KLHL5: variants seen among roughly 807,000 people sequenced by gnomAD.
KLHL5 encodes the protein kelch-like protein 5.
A neutral mutation model predicts 77.7 loss-of-function variants in KLHL5; 48 were observed. The observed-to-expected ratio is 0.62, with a 90% CI of 0.49 to 0.79. The LOEUF (loss-of-function observed/expected upper bound fraction) is 0.79. KLHL5 is among the 30% of genes least tolerant of loss of function. The pLI, the probability that KLHL5 is intolerant of heterozygous loss-of-function variation, is 0.00. For missense variants in KLHL5, 723 were observed against 859.7 expected, an observed-to-expected ratio of 0.84 and a Z score of 1.99; for synonymous variants, 260 against 297.0, an observed-to-expected ratio of 0.88 and a Z score of 1.28.
intron 5 of KLHL5, among the ~76,000 whole-genome samples, chr4:39,092,880 C>G (rs1459378792): frequency 6.6e-6 from 1 of 152,158 alleles, no homozygotes; most frequent in East Asian, 1.9e-4. Context: ...TGTGCAAAAA[C>G]AGGAACCCTC....
chr4:39,130,133 A>G (rs1282022227), downstream of KLHL5, among the ~76,000 whole-genome samples: 1 of 152,170 alleles, frequency 6.6e-6, no homozygotes, highest in East Asian at 1.9e-4. Context: ...TGAAGTGGGA[A>G]ATCAGGGGTC....
At position 39,062,737 on chromosome 4, in the gene KLHL5, A is replaced by C; in HGVS notation, c.85A>C (p.Asn29His). ...RWFGHQASSP[N>H]STVDSQQGEF... ...GTTTGGTCATCAAGCATCATCTCCTAATTCTACAGTTGACAGCCAGCAGGG... is the reference window on the plus strand; with the variant it reads ...GTTTGGTCATCAAGCATCATCTCCTCATTCTACAGTTGACAGCCAGCAGGG... Residue 29 changes from asparagine (N) to histidine (H), a missense_variant, in exon 1 of 11, where the codon AAT (asparagine) becomes CAT (histidine). By Grantham distance (68) the Asn-to-His change is moderately conservative. This residue lies in a region of KLHL5 where 221 missense variants were observed against 222.1 expected (regional missense o/e 1.00). Coordinates refer to ENST00000504108, the MANE Select transcript of KLHL5 (RefSeq NM_015990.5). The C allele has an allele frequency of 1.2e-6, 2 of 1,614,128 alleles. No individual in the cohort carries two copies. Among genetic ancestry groups the C allele is most frequent in the Non-Finnish European group, 1.7e-6 (2 of 1,179,990 alleles).
At chr4:39,046,351 T>C (rs1716188677) in intron 1 of KLHL5, among the ~76,000 whole-genome samples, 1 of 152,078 alleles carries the variant, frequency 6.6e-6, no homozygotes. Context: ...AAAAAGATAA[T>C]ACCAAGTTCC....
chr4:39,076,320 A>C (rs1251897147), intron 2 of KLHL5, among the ~76,000 whole-genome samples, 173 bp downstream of exon 2: 1 of 152,192 alleles, frequency 6.6e-6, no homozygotes, highest in African/African-American at 2.4e-5. Flanking sequence ...GGTGATCCTA[A>C]AAGGGTCATT....
intron 1 of KLHL5, among the ~76,000 whole-genome samples, chr4:39,071,122 T>C (rs1215421732): frequency 2.0e-5 from 3 of 152,176 alleles, no homozygotes; most frequent in African/African-American, 7.2e-5. Flanking sequence ...TATAAATTAG[T>C]AAATTTGGGC....
Position 39,103,468 on chromosome 4 carries a change from T to G in KLHL5, c.1482T>G (p.Thr494=), listed in dbSNP as rs755872454. The G allele has an allele frequency of 3.1e-6, 5 of 1,614,136 alleles. No homozygotes were observed. Among genetic ancestry groups the G allele is most frequent in the Non-Finnish European group, 4.2e-6 (5 of 1,180,008 alleles). Residue 494 remains threonine, a synonymous_variant, in exon 7 of 11, where the codon ACT becomes ACG. Coordinates refer to ENST00000504108, the MANE Select transcript of KLHL5 (RefSeq NM_015990.5). ...AGTGCTACAACCCCAAAACAAAAAC[T>G]TGGAGTGTGATGCCACCTATGTCCA... The part of the protein sequence containing the change: ...TVECYNPKTK[T]WSVMPPMSTH...
At chr4:39,104,204 G>A (rs1721851457) in intron 7 of KLHL5, among the ~76,000 whole-genome samples, 1 of 152,096 alleles carries the variant, frequency 6.6e-6, no homozygotes, top group African/African-American at 2.4e-5. Context: ...TTAGTTCTCA[G>A]TGAAAGATGA....
At chr4:39,107,999 T>C (rs1038656498) in intron 8 of KLHL5, among the ~76,000 whole-genome samples, 1 of 151,262 alleles carries the variant, frequency 6.6e-6, no homozygotes, top group Non-Finnish European at 1.5e-5. Flanking sequence ...AGTTGTACTA[T>C]AAAAATCTGG....
chr4:39,076,834 C>T (rs896163430), intron 2 of KLHL5, among the ~76,000 whole-genome samples: 12 of 147,128 alleles, frequency 8.2e-5, no homozygotes, highest in African/African-American at 3.0e-4. Flanking sequence ...GAGATAACAT[C>T]GGAAAAAGCC....
At chr4:39,048,487 A>G (rs1190058556) in intron 1 of KLHL5, among the ~76,000 whole-genome samples, 1 of 152,184 alleles carries the variant, frequency 6.6e-6, no homozygotes, top group Non-Finnish European at 1.5e-5. Flanking sequence ...TTTAAACAGC[A>G]AAGATTTTTT....
intron 5 of KLHL5, among the ~76,000 whole-genome samples, chr4:39,092,122 T>C (rs918900326): frequency 6.6e-6 from 1 of 152,190 alleles, no homozygotes; most frequent in African/African-American, 2.4e-5. Flanking sequence ...AATGAAAATT[T>C]ATTCCTGTAT....
At chr4:39,095,041 T>A (rs935789391) in intron 5 of KLHL5, among the ~76,000 whole-genome samples, 2 of 152,080 alleles carry the variant, frequency 1.3e-5, no homozygotes, top group Non-Finnish European at 2.9e-5. Context: ...AAAAGTATTA[T>A]GAAACAACCT....
At chr4:39,084,587 G>T (rs1370766649) in intron 4 of KLHL5, among the ~76,000 whole-genome samples, 1 of 152,124 alleles carries the variant, frequency 6.6e-6, no homozygotes, top group Non-Finnish European at 1.5e-5. Context: ...TTCATAAGTT[G>T]TTGAAAAACT....
chr4:39,072,831 G>T (rs1225069607), intron 1 of KLHL5, among the ~76,000 whole-genome samples: 1 of 152,216 alleles, frequency 6.6e-6, no homozygotes, highest in African/African-American at 2.4e-5. Context: ...ACTTGGGTCA[G>T]TGTGCACAAA....
intron 10 of KLHL5, among the ~76,000 whole-genome samples, chr4:39,119,499 T>C (rs1403950745): frequency 6.6e-6 from 1 of 152,116 alleles, no homozygotes; most frequent in Non-Finnish European, 1.5e-5. Flanking sequence ...GGCATGAGAA[T>C]TGCTTGAACC....
chr4:39,076,418 T>C (rs1274395730), intron 2 of KLHL5, among the ~76,000 whole-genome samples: 1 of 152,074 alleles, frequency 6.6e-6, no homozygotes, highest in East Asian at 1.9e-4. Flanking sequence ...TATAAGAAGC[T>C]TTTATGCCAT....
Position 39,118,063 on chromosome 4 carries a change from A to AC in KLHL5, c.2073+2733_2073+2734insC, listed in dbSNP as rs1480120171. Among the ~76,000 whole-genome samples the AC allele has an allele frequency of 2.0e-3, 301 of 151,752 alleles. 1 individual carries two copies. The highest frequency in any genetic ancestry group is 6.7e-3 in the African/African-American group (276 of 41,412). On this transcript the variant is annotated intron_variant, in intron 10 of 10. Transcript: ENST00000504108. ...GTGACAGAGCGAGACTCCATCTAAA[A>AC]AAAAAAAAAAAAAGTAAACAGAAGA...
rs759852090 is a variant in KLHL5, at chr4:39,081,061, C to T, written c.567-42C>T. 43 of 1,567,626 alleles carry T rather than the reference C, an allele frequency of 2.7e-5. No individual in the cohort carries two copies. The South Asian group carries it at 3.5e-4, about 13-fold the overall frequency. ...CAGCATTTATTAATGAACATCAACT[C>T]GAATGTGGTCATTGATTTTTTTTTT... On this transcript the variant is annotated intron_variant, in intron 2 of 10. Coordinates refer to ENST00000504108, the MANE Select transcript of KLHL5 (RefSeq NM_015990.5). The surrounding 1 kb of genome is among the most constrained non-coding windows in gnomAD (Gnocchi z 4.3).
the KLHL5 span, among the ~76,000 whole-genome samples, chr4:39,141,558 A>G: frequency 2.0e-5 from 3 of 151,726 alleles, no homozygotes; most frequent in African/African-American, 7.3e-5. Flanking sequence ...TGATCCGCCC[A>G]CCTCGGCCTC....
Sources: allele counts gnomAD v4.1 joint callset (sites outside exome capture counted in the v4.1 genomes callset), GRCh38; gene constraint gnomAD v4.1.1; regional missense constraint gnomAD v4.1.1; non-coding constraint Gnocchi (gnomAD v3.1); transcripts MANE v1.5; gene names NCBI Gene and HGNC (gene_info 2026-07-23, HGNC 2026-07-21).